The following UTRN variants were observed in gnomAD, a reference collection of about 807,000 sequenced individuals.
The protein encoded by UTRN is dystrophin-related protein 1.
UTRN carries 283 observed loss-of-function variants against 463.9 expected under a neutral mutation model. That is an observed-to-expected ratio of 0.61 (90% CI 0.55 to 0.67). UTRN has a LOEUF of 0.67. Among genes scored for constraint, UTRN ranks in the 30% least tolerant of loss-of-function variants. The probability of loss-of-function intolerance (pLI) is 0.00; values close to 1 mark genes in which losing one functional copy is unlikely to be tolerated. For missense variants in UTRN, 3,922 were observed against 4,084.3 expected (o/e 0.96, Z 1.08); for synonymous variants, 1,442 against 1,431.5 (o/e 1.01, Z -0.17).
At chr6:144,455,077 A>AC (rs2128558874) in intron 19 of UTRN, among the ~76,000 whole-genome samples, 1 of 152,218 alleles carries the variant, frequency 6.6e-6, no homozygotes, top group African/African-American at 2.4e-5. Context: ...ACACACACAC[A>AC]AACACACAGA....
At position 144,550,974 on chromosome 6, in the gene UTRN, G is replaced by C; in HGVS notation, c.6820G>C (p.Ala2274Pro). ...CATTTCTACTTAACAGATTACAAAG[G>C]CTGACTTAGAACAGCGCCATCCTCA... is the stretch of plus-strand genomic sequence containing the variant. Reference protein sequence around the residue: ...KTVSRMKITKADLEQRHPQLD... With the variant: ...KTVSRMKITKPDLEQRHPQLD... The change falls in exon 48 of 75, where the codon GCT becomes CCT. Residue 2274 changes from alanine to proline, a missense_variant. Physicochemically the swap from Ala to Pro is conservative, Grantham distance 27. This residue lies in a region of UTRN where 1,309 missense variants were observed against 1,452.6 expected (regional missense o/e 0.90). Coordinates refer to ENST00000367545, the MANE Select transcript of UTRN (RefSeq NM_007124.3). 1.3e-6 allele frequency: 2 copies of C among 1,596,244 alleles called. No individual in the cohort carries two copies. Among genetic ancestry groups the C allele is most frequent in the South Asian group, 1.1e-5 (1 of 87,224 alleles).
At chr6:144,318,128 A>G (rs540423777) in intron 2 of UTRN, among the ~76,000 whole-genome samples, 41 of 152,122 alleles carry the variant, frequency 2.7e-4, no homozygotes, top group Non-Finnish European at 4.6e-4. Flanking sequence ...CTGTACAATA[A>G]TACTGTTAAC....
chr6:144,471,649 G>A (rs1790673887), intron 23 of UTRN, among the ~76,000 whole-genome samples: 1 of 152,176 alleles, frequency 6.6e-6, no homozygotes, highest in Admixed American at 6.5e-5. Context: ...TGAAATGCTG[G>A]AGCAAACACA....
In UTRN at chr6:144,314,756, G is replaced by T. The variant is rs113114170; in HGVS notation, c.79+22849G>T. ...ATAGCCTCAGGTCAGTTCAGGTCAC[G>T]TTTTGCTGCCAAATGGGTTATGGAA... On this transcript the variant is annotated intron_variant, in intron 2 of 74. Transcript: ENST00000367545. 6.6e-3 allele frequency among the ~76,000 whole-genome samples: 1,008 copies of T among 152,174 alleles called. 10 individuals are homozygous for T. Among genetic ancestry groups the T allele is most frequent in the African/African-American group, 0.022 (933 of 41,502 alleles).
At chr6:144,558,113 A>G (rs1234608457) in intron 50 of UTRN, among the ~76,000 whole-genome samples, 2 of 152,226 alleles carry the variant, frequency 1.3e-5, no homozygotes, top group African/African-American at 4.8e-5. Context: ...TAAAATGGGT[A>G]TTAGAGCACT....
intron 51 of UTRN, among the ~76,000 whole-genome samples, chr6:144,595,205 C>G (rs905012631): frequency 3.9e-5 from 6 of 152,134 alleles, no homozygotes; most frequent in African/African-American, 1.4e-4. Flanking sequence ...TTACATTCCA[C>G]ATATTTTAGA....
rs1016693061 is a variant in UTRN at position 144,592,414 on chromosome 6, A to T, written c.7479+15126A>T. Reference sequence around the variant, plus strand: ...TTTAGACAAGAGTCTTGCTGTCACCAGGCTGGAGTGCAGTGGAGTAATCTC... The same window carrying T: ...TTTAGACAAGAGTCTTGCTGTCACCTGGCTGGAGTGCAGTGGAGTAATCTC... On this transcript the variant is annotated intron_variant, in intron 51 of 74. Transcript: ENST00000367545. Among the ~76,000 whole-genome samples, 3 of 152,128 alleles carry T rather than the reference A, an allele frequency of 2.0e-5. No homozygotes were observed. The East Asian group carries it at 5.8e-4, about 29-fold the overall frequency.
At chr6:144,830,704 A>ATTTT (rs1554410638) in intron 69 of UTRN, among the ~76,000 whole-genome samples, 5 of 148,320 alleles carry the variant, frequency 3.4e-5, no homozygotes, top group African/African-American at 1.2e-4. Context: ...TTTGTCTGTG[A>ATTTT]TTTGTTTTTT....
intron 53 of UTRN, among the ~76,000 whole-genome samples, chr6:144,721,346 C>T (rs768256431): frequency 6.6e-6 from 1 of 152,098 alleles, no homozygotes; most frequent in Non-Finnish European, 1.5e-5. Flanking sequence ...GCAGCTGAGA[C>T]TATAGGTGCA....
chr6:144,308,866 T>A (rs1805988217), intron 2 of UTRN, among the ~76,000 whole-genome samples: 1 of 152,168 alleles, frequency 6.6e-6, no homozygotes, highest in Admixed American at 6.5e-5. Flanking sequence ...TACCACGCCA[T>A]TCCTCTGGTC....
At chr6:144,748,626 C>T (rs1020129010) in intron 55 of UTRN, 112 bp downstream of exon 55, 20 of 1,374,846 alleles carry the variant, frequency 1.5e-5, no homozygotes, top group Middle Eastern at 2.6e-4. Context: ...ACAAAGCCAA[C>T]GCCGCTGCAA....
intron 66 of UTRN, among the ~76,000 whole-genome samples, chr6:144,826,202 A>G (rs1022401698): frequency 2.0e-5 from 3 of 148,186 alleles, no homozygotes; most frequent in Non-Finnish European, 4.5e-5. Context: ...CTGGTTCTGA[A>G]AATAGATCTG....
intron 3 of UTRN, among the ~76,000 whole-genome samples, chr6:144,413,039 C>T (rs527364694): frequency 6.6e-6 from 1 of 152,280 alleles, no homozygotes; most frequent in Non-Finnish European, 1.5e-5. Context: ...AGGACAGATT[C>T]TGTCTCCCTG....
intron 60 of UTRN, 135 bp downstream of exon 60, chr6:144,774,499 G>T: frequency 1.4e-6 from 1 of 734,996 alleles, no homozygotes; most frequent in South Asian, 2.2e-5. Context: ...TCAAGGAGTT[G>T]GTTTTGTTTC....
intron 52 of UTRN, among the ~76,000 whole-genome samples, chr6:144,682,945 C>G (rs1352168955): frequency 3.9e-5 from 6 of 152,062 alleles, no homozygotes; most frequent in South Asian, 2.1e-4. Context: ...ATTCTCTCTA[C>G]CCTATGTTTT....
At chr6:144,290,402 G>C (rs560513662) in intron 1 of UTRN, among the ~76,000 whole-genome samples, 3 of 152,138 alleles carry the variant, frequency 2.0e-5, no homozygotes, top group Non-Finnish European at 4.4e-5. Flanking sequence ...AAGAAACCAG[G>C]CCATTTCTTT....
chr6:144,732,273 T>TAC (rs1788734211), intron 54 of UTRN, among the ~76,000 whole-genome samples: 2 of 88,802 alleles, frequency 2.3e-5, no homozygotes, highest in African/African-American at 1.3e-4. Flanking sequence ...CATATATATA[T>TAC]ATATACACAC....
At chr6:144,668,248 A>G (rs532486726) in intron 51 of UTRN, among the ~76,000 whole-genome samples, 99 of 152,266 alleles carry the variant, frequency 6.5e-4, no homozygotes, top group African/African-American at 2.2e-3. Context: ...GAGGTGCAAA[A>G]GGCCCTTCCT....
chr6:144,473,797 C>T lies in UTRN; in HGVS notation c.3144C>T (p.Asp1048=), dbSNP rs750025720. The change falls in exon 24 of 75, where the codon GAC becomes GAT. Residue 1048 remains aspartate, a synonymous_variant. Transcript: ENST00000367545. ...TGAAACAGCAGGCTGCCCAAGGAGA[C>T]GACGCAGGTCTACAGAGGCAGTTAG... is the stretch of plus-strand genomic sequence containing the variant. ...FLMKQQAAQG[D]DAGLQRQLDQ... is the part of the protein sequence containing the mutation. 40 of 1,614,050 alleles carry T rather than the reference C, an allele frequency of 2.5e-5. No individual in the cohort carries two copies. Among genetic ancestry groups the T allele is most frequent in the Middle Eastern group, 3.3e-4 (2 of 6,062 alleles).
Sources: allele counts gnomAD v4.1 joint callset (sites outside exome capture counted in the v4.1 genomes callset), GRCh38; gene constraint gnomAD v4.1.1; regional missense constraint gnomAD v4.1.1; transcripts MANE v1.5; gene names NCBI Gene and HGNC (gene_info 2026-07-23, HGNC 2026-07-21).